The following DOCK8 variants were observed in gnomAD, a reference collection of about 807,000 sequenced individuals.
DOCK8 encodes dedicator of cytokinesis 8.
In DOCK8, 141 loss-of-function variants were observed where a neutral mutation model predicts 245.6. That is an observed-to-expected ratio of 0.57 (90% CI 0.50 to 0.66). The LOEUF (loss-of-function observed/expected upper bound fraction) is 0.66, where lower values mean the gene tolerates loss of function less well. Ranked by LOEUF, DOCK8 falls within the 30% of genes least tolerant of loss-of-function variation. The pLI, the probability that DOCK8 is intolerant of heterozygous loss-of-function variation, is 0.00. For missense variants in DOCK8, 2,965 were observed against 2,603.4 expected (o/e 1.14, Z -3.02); for synonymous variants, 1,168 against 970.2 (o/e 1.20, Z -3.79).
rs565584859 is a variant in DOCK8, at chr9:258,800, G to A, written c.54-12827G>A. Among the ~76,000 whole-genome samples, 237 of 152,094 alleles carry A rather than the reference G, an allele frequency of 1.6e-3. 2 individuals are homozygous for A. The highest frequency in any genetic ancestry group is 2.0e-3 in the Non-Finnish European group (136 of 67,968). On this transcript the variant is annotated intron_variant, in intron 1 of 47. Transcript: ENST00000432829. ...TTTAGTAGAGATGGGGTTTCACCAC[G>A]TTGGCCAGGCTGGTCTCGAACTCCT...
intron 39 of DOCK8, among the ~76,000 whole-genome samples, chr9:437,977 G>A (rs551251485): frequency 1.3e-5 from 2 of 152,284 alleles, no homozygotes; most frequent in East Asian, 3.9e-4. Flanking sequence ...TTAGTATCTT[G>A]GGTTATTAAA....
chr9:423,250 A>G (rs1385799440), intron 33 of DOCK8, among the ~76,000 whole-genome samples: 1 of 152,228 alleles, frequency 6.6e-6, no homozygotes, highest in Non-Finnish European at 1.5e-5. Flanking sequence ...GCTATAGATG[A>G]ATAGATATAT....
chr9:214,290 A>G (rs1246400720), upstream of DOCK8: 32 of 536,814 alleles, frequency 6.0e-5, no homozygotes, highest in Admixed American at 1.2e-3. Context: ...TTCTCCGGAG[A>G]AAAGCATTCA....
At chr9:376,900 A>G in intron 19 of DOCK8, 77 bp from the exon 20 acceptor site, 10 of 1,282,384 alleles carry the variant, frequency 7.8e-6, no homozygotes, top group South Asian at 6.3e-5. Flanking sequence ...ATAAAGAGCT[A>G]TTCGATTGTG....
At chr9:441,775 A>G in intron 41 of DOCK8, 100 bp from the exon 42 acceptor site, 2 of 1,490,248 alleles carry the variant, frequency 1.3e-6, no homozygotes, top group Non-Finnish European at 1.9e-6. Context: ...CATAGGAGTA[A>G]AATGCTTTGT....
chr9:333,202 A>C (rs527890985), intron 10 of DOCK8, among the ~76,000 whole-genome samples: 1 of 152,334 alleles, frequency 6.6e-6, no homozygotes, highest in South Asian at 2.1e-4. Context: ...ATTGGCTGCC[A>C]CTACCATGCA....
intron 24 of DOCK8, among the ~76,000 whole-genome samples, chr9:392,519 G>A (rs1481384884): frequency 6.6e-6 from 1 of 152,186 alleles, no homozygotes; most frequent in Non-Finnish European, 1.5e-5. Flanking sequence ...TTAGGAGGCT[G>A]GAGGCCAGCA....
chr9:406,639 C>T (rs2055433372), intron 27 of DOCK8, among the ~76,000 whole-genome samples: 1 of 152,036 alleles, frequency 6.6e-6, no homozygotes, highest in Non-Finnish European at 1.5e-5. Context: ...GGATTTTTAT[C>T]TTCAGCTTTT....
At chr9:273,800 TAGTTCAAGCAATTCTCCTGC>T (rs956392781) in intron 2 of DOCK8, among the ~76,000 whole-genome samples, 2 of 39,406 alleles carry the variant, frequency 5.1e-5, no homozygotes, top group Admixed American at 4.7e-4. Flanking sequence ...AATTCTCCTG[TAGTTCAAGCAATTCTCCTGC>T]CTCAGCCTCC....
chr9:226,661 A>C (rs1245824137), intron 1 of DOCK8, among the ~76,000 whole-genome samples: 1 of 152,162 alleles, frequency 6.6e-6, no homozygotes, highest in African/African-American at 2.4e-5. Flanking sequence ...CCAGGGTTGG[A>C]TATTGATGCT....
intron 1 of DOCK8, among the ~76,000 whole-genome samples, chr9:255,102 T>C (rs188644677): frequency 1.2e-4 from 18 of 152,308 alleles, no homozygotes; most frequent in East Asian, 3.9e-4. Flanking sequence ...GGAGGTTTTG[T>C]ATTTAAGTTC....
intron 14 of DOCK8, among the ~76,000 whole-genome samples, chr9:342,501 A>G (rs12344577): frequency 0.62 from 93,739 of 150,492 alleles, 29,728 homozygotes; most frequent in East Asian, 0.77. Flanking sequence ...ATGGAGTCTC[A>G]CTCTGTCACC....
chr9:273,343 T>A (rs968594276), intron 2 of DOCK8, among the ~76,000 whole-genome samples: 4 of 152,208 alleles, frequency 2.6e-5, no homozygotes, highest in Non-Finnish European at 5.9e-5. Context: ...GCATATTGTG[T>A]CCATTTTCAG....
intron 2 of DOCK8, among the ~76,000 whole-genome samples, chr9:274,320 A>G (rs1033339534): frequency 1.3e-5 from 2 of 152,162 alleles, no homozygotes; most frequent in African/African-American, 4.8e-5. Context: ...TTGCATGTGA[A>G]TATCCTTTAG....
In DOCK8 at chr9:382,402, G is replaced by T; in HGVS notation, c.2606-111G>T. The T allele has an allele frequency of 2.0e-5, 29 of 1,458,998 alleles. No homozygotes were observed. The South Asian group carries it at 3.1e-4, about 16-fold the overall frequency. 90.4% of individuals were successfully genotyped at this position (1,458,998 alleles called of 1,614,324 possible). A position where few individuals can be genotyped will look rare whatever the true frequency, so the allele number is the denominator to read the frequency against. On this transcript the variant is annotated intron_variant, in intron 21 of 47. Transcript: ENST00000432829. ...TTGTTAAGAAGTCTCTAATTCCAAG[G>T]CCTAATCCGGTGGCTTTTCATCCAC...
intron 46 of DOCK8, among the ~76,000 whole-genome samples, chr9:462,492 A>G (rs773443733): frequency 1.4e-4 from 22 of 152,192 alleles, no homozygotes; most frequent in Non-Finnish European, 2.9e-4. Flanking sequence ...AAGGCTCTGG[A>G]CGATATGCAG....
chr9:369,464 A>G (rs1365128370), intron 15 of DOCK8: 2 of 152,376 alleles, frequency 1.3e-5, no homozygotes, highest in Non-Finnish European at 2.9e-5. Flanking sequence ...GCACTTGTTC[A>G]TAATGCATCC....
Position 304,589 on chromosome 9 carries a change from G to T in DOCK8, c.413G>T (p.Gly138Val). The change falls in exon 5 of 48, where the codon GGA becomes GTA. Residue 138 changes from glycine to valine, a missense_variant. Coordinates refer to ENST00000432829, the MANE Select transcript of DOCK8 (RefSeq NM_203447.4). ...EWLIVNRKNQ[G>V]SPEICGFKKT... is the part of the protein sequence containing the mutation. Reference sequence around the variant, plus strand: ...AATATCAACCATAAAAGAAACCAAGGAAGTCCAGAAATCTGTGGCTTTAAA... The same window carrying T: ...AATATCAACCATAAAAGAAACCAAGTAAGTCCAGAAATCTGTGGCTTTAAA... 2 of 1,614,042 alleles carry T rather than the reference G, an allele frequency of 1.2e-6. No homozygotes were observed. Among genetic ancestry groups the T allele is most frequent in the South Asian group, 1.1e-5 (1 of 91,074 alleles).
chr9:319,529 C>A (rs1341876166), intron 7 of DOCK8, among the ~76,000 whole-genome samples: 1 of 152,070 alleles, frequency 6.6e-6, no homozygotes, highest in Non-Finnish European at 1.5e-5. Flanking sequence ...AAGAAAGAAA[C>A]AAATTCTTAT....
Sources: gnomAD v4.1 joint callset for allele counts (sites outside exome capture counted in the v4.1 genomes callset) on GRCh38, gnomAD v4.1.1 for gene constraint, MANE v1.5 for transcripts, NCBI Gene and HGNC (gene_info 2026-07-23, HGNC 2026-07-21) for gene names.